Variants in EIF3F observed in about 807,000 individuals in gnomAD.
The protein encoded by EIF3F is eukaryotic translation initiation factor 3 subunit F.
A neutral mutation model predicts 36.0 loss-of-function variants in EIF3F; 8 were observed. That is an observed-to-expected ratio of 0.22 (90% CI 0.13 to 0.40). EIF3F has a LOEUF of 0.40. EIF3F is among the 10% of genes least tolerant of loss of function. EIF3F has a pLI of 1.00. For missense variants in EIF3F, 430 were observed against 467.6 expected, an observed-to-expected ratio of 0.92 and a Z score of 0.74; for synonymous variants, 184 against 188.5, an observed-to-expected ratio of 0.98 and a Z score of 0.19.
chr11:7,994,862 G>C, intron 5 of EIF3F, 120 bp from the exon 6 acceptor site: 1 of 1,423,090 alleles, frequency 7.0e-7, no homozygotes, highest in Non-Finnish European at 9.7e-7. Context: ...CTGAGTCTAA[G>C]GGGAGTTGGG....
At position 7,998,646 on chromosome 11, in the gene EIF3F, G is replaced by C. The variant is rs1331880922; in HGVS notation, c.*2624G>C. On this transcript the variant is annotated 3_prime_UTR_variant, in exon 8 of 8. Coordinates refer to ENST00000651655, the MANE Select transcript of EIF3F (RefSeq NM_003754.3). Reference sequence around the variant, plus strand: ...GAGTTAGAAATAAATTTTAGCAAGAGGTAAATTCACACATACGGAGTCTGC... The same window carrying C: ...GAGTTAGAAATAAATTTTAGCAAGACGTAAATTCACACATACGGAGTCTGC... The C allele has an allele frequency of 6.6e-6, 1 of 152,046 alleles. No individual in the cohort carries two copies. Among genetic ancestry groups the C allele is most frequent in the Non-Finnish European group, 1.5e-5 (1 of 68,008 alleles). The allele number at this position is 152,046 out of a possible 1,614,324, so 9.4% of individuals were successfully genotyped here.
In EIF3F at chr11:7,996,158, C is replaced by T; in HGVS notation, c.*136C>T. ...TGTGACTCTAATAAACGGAGCCTAC[C>T]TTTTGTAAATTAATTTCATCTTATG... On this transcript the variant is annotated 3_prime_UTR_variant, in exon 8 of 8. Transcript: ENST00000651655. The T allele has an allele frequency of 1.4e-6, 1 of 725,752 alleles. No individual in the cohort carries two copies. Among genetic ancestry groups the T allele is most frequent in the Non-Finnish European group, 2.3e-6 (1 of 432,728 alleles). 45.0% of individuals were successfully genotyped at this position (725,752 alleles called of 1,614,324 possible).
intron 1 of EIF3F, 125 bp downstream of exon 1, chr11:7,987,841 T>C (rs1942045564): frequency 7.5e-7 from 1 of 1,324,756 alleles, no homozygotes; most frequent in Non-Finnish European, 9.8e-7. Flanking sequence ...CCCAATGACC[T>C]CTTAATCTAT....
intron 1 of EIF3F, among the ~76,000 whole-genome samples, chr11:7,990,438 C>T (rs80083716): frequency 7.9e-5 from 12 of 152,046 alleles, no homozygotes; most frequent in Admixed American, 7.9e-4. Context: ...AAACTTTATT[C>T]ACAAAAAACA....
At chr11:7,994,232 G>C (rs1296308356) in intron 4 of EIF3F, among the ~76,000 whole-genome samples, 194 bp from the exon 5 acceptor site, 1 of 152,144 alleles carries the variant, frequency 6.6e-6, no homozygotes, top group Non-Finnish European at 1.5e-5. Flanking sequence ...ACAGATCAAG[G>C]GTTTGGTATG....
rs1942154563 is a variant in EIF3F, at chr11:7,995,875, T to C, written c.997-70T>C. The stretch of plus-strand genomic sequence containing the variant: ...TCATACCCAGTGTCTACCATAGAGC[T>C]GGCCAAAGCCAGCCTTTTTGCTCCC... On this transcript the variant is annotated intron_variant, in intron 7 of 7. Transcript: ENST00000651655. 4.6e-6 allele frequency: 6 copies of C among 1,299,758 alleles called. No individual in the cohort carries two copies. In the Admixed American group the frequency reaches 8.4e-5, roughly 18 times the overall value. 80.5% of individuals were successfully genotyped at this position (1,299,758 alleles called of 1,614,324 possible).
At chr11:7,990,152 T>C (rs1277780848) in intron 1 of EIF3F, among the ~76,000 whole-genome samples, 1 of 152,184 alleles carries the variant, frequency 6.6e-6, no homozygotes, top group East Asian at 1.9e-4. Flanking sequence ...TCTACATCTT[T>C]GGTTAAGTGT....
At position 7,999,872 on chromosome 11, in the gene EIF3F, C is replaced by T. The variant is rs1373052939; in HGVS notation, c.*3850C>T. On this transcript the variant is annotated 3_prime_UTR_variant, in exon 8 of 8. Transcript: ENST00000651655. ...CTTCCACGTTCACTGAAGCATTGTT[C>T]ACAATCGCCAAGACATCAACCTAAG... 1 of 152,228 alleles carries T rather than the reference C, an allele frequency of 6.6e-6. No individual in the cohort carries two copies. The highest frequency in any genetic ancestry group is 1.5e-5 in the Non-Finnish European group (1 of 68,054). 9.4% of individuals were successfully genotyped at this position (152,228 alleles called of 1,614,324 possible). A position where few individuals can be genotyped will look rare whatever the true frequency, so the allele number is the denominator to read the frequency against.
chr11:7,996,219 T>G lies in EIF3F; in HGVS notation c.*197T>G, dbSNP rs1942158066. 2 of 545,676 alleles carry G rather than the reference T, an allele frequency of 3.7e-6. No individual in the cohort carries two copies. The highest frequency in any genetic ancestry group is 6.5e-6 in the Non-Finnish European group (2 of 306,712). 33.8% of individuals were successfully genotyped at this position (545,676 alleles called of 1,614,324 possible). On this transcript the variant is annotated 3_prime_UTR_variant, in exon 8 of 8. Coordinates refer to ENST00000651655, the MANE Select transcript of EIF3F (RefSeq NM_003754.3). ...GCCGGGTGGAAGGGAGGAAAATGTTTTAGATCACACAGAAACTAGGAAGTG... is the reference window on the plus strand; with the variant it reads ...GCCGGGTGGAAGGGAGGAAAATGTTGTAGATCACACAGAAACTAGGAAGTG...
rs1942205782 is a variant in EIF3F at position 8,000,243 on chromosome 11, T to C, written c.*4221T>C. ...AAAGGTACATCTACACAATGGAATATTATTAACCTTAAAAGAAGGAAATAA... is the reference window on the plus strand; with the variant it reads ...AAAGGTACATCTACACAATGGAATACTATTAACCTTAAAAGAAGGAAATAA... On this transcript the variant is annotated 3_prime_UTR_variant, in exon 8 of 8. Coordinates refer to ENST00000651655, the MANE Select transcript of EIF3F (RefSeq NM_003754.3). 6.6e-6 allele frequency: 1 copy of C among 151,896 alleles called. No homozygotes were observed. 9.4% of individuals were successfully genotyped at this position (151,896 alleles called of 1,614,324 possible). A position where few individuals can be genotyped will look rare whatever the true frequency, so the allele number is the denominator to read the frequency against.
chr11:7,992,782 C>G, intron 3 of EIF3F, 105 bp from the exon 4 acceptor site: 1 of 1,455,924 alleles, frequency 6.9e-7, no homozygotes, highest in South Asian at 1.2e-5. Flanking sequence ...CACTAGGTGT[C>G]CTACCGTAGA....
intron 3 of EIF3F, 45 bp downstream of exon 3, chr11:7,992,208 G>C (rs759897844): frequency 2.0e-6 from 3 of 1,491,752 alleles, no homozygotes; most frequent in South Asian, 2.3e-5. Flanking sequence ...AGGTCTCTTC[G>C]TGATTGCCGG....
rs879702517 is a variant in EIF3F at position 8,000,608 on chromosome 11, A to G, written c.*4586A>G. ...GTAATCAATTTCGCAATGTGTACAT[A>G]TATCAAAACATCACATTGTACAAAA... On this transcript the variant is annotated 3_prime_UTR_variant, in exon 8 of 8. Coordinates refer to ENST00000651655, the MANE Select transcript of EIF3F (RefSeq NM_003754.3). 3 of 152,252 alleles carry G rather than the reference A, an allele frequency of 2.0e-5. No individual in the cohort carries two copies. The highest frequency in any genetic ancestry group is 2.9e-5 in the Non-Finnish European group (2 of 68,054). 9.4% of individuals were successfully genotyped at this position (152,252 alleles called of 1,614,324 possible).
At position 8,000,900 on chromosome 11, in the gene EIF3F, A is replaced by C. The variant is rs1203457394; in HGVS notation, c.*4878A>C. The C allele has an allele frequency of 3.9e-5, 6 of 152,252 alleles. No individual in the cohort carries two copies. Among genetic ancestry groups the C allele is most frequent in the Admixed American group, 3.3e-4 (5 of 15,288 alleles). 9.4% of individuals were successfully genotyped at this position (152,252 alleles called of 1,614,324 possible). A position where few individuals can be genotyped will look rare whatever the true frequency, so the allele number is the denominator to read the frequency against. On this transcript the variant is annotated 3_prime_UTR_variant, in exon 8 of 8. Transcript: ENST00000651655. ...AGGAAGAACTTTCTAAGAACTGAGA[A>C]TCCAGGAGTTATTTTAAAAGACTGA...
chr11:7,994,992 C>G lies in EIF3F; in HGVS notation c.756C>G (p.Ile252Met), dbSNP rs1396349058. The change falls in exon 6 of 8, where the codon ATC becomes ATG. Residue 252 changes from isoleucine to methionine, a missense_variant. Ile to Met is a conservative substitution (Grantham distance 10). Transcript: ENST00000651655. ...AACCAACTTCCATAGTTGACCTGAT[C>G]ATGAAGACCTGCTTTAGCCCCAACA... Reference protein sequence around the residue: ...YDTERIGVDLIMKTCFSPNRV... With the variant: ...YDTERIGVDLMMKTCFSPNRV... 1.9e-6 allele frequency: 3 copies of G among 1,613,140 alleles called. No homozygotes were observed. Among genetic ancestry groups the G allele is most frequent in the East Asian group, 2.2e-5 (1 of 44,870 alleles).
Position 7,994,935 on chromosome 11 carries a change from T to C in EIF3F, c.746-47T>C, listed in dbSNP as rs1244843720. ...TGGTGGGATGACTGAATTCTCTCTC[T>C]TACTGCCCACCACTGCCGCTGCCAC... On this transcript the variant is annotated intron_variant, in intron 5 of 7. Coordinates refer to ENST00000651655, the MANE Select transcript of EIF3F (RefSeq NM_003754.3). The C allele has an allele frequency of 7.5e-6, 12 of 1,604,552 alleles. No individual in the cohort carries two copies. The Admixed American group carries it at 2.0e-4, about 27-fold the overall frequency.
At position 7,990,047 on chromosome 11, in the gene EIF3F, A is replaced by G. The variant is rs114356225; in HGVS notation, c.365-1734A>G. 2.8e-3 allele frequency among the ~76,000 whole-genome samples: 425 copies of G among 152,322 alleles called. 4 individuals are homozygous for G. The highest frequency in any genetic ancestry group is 9.8e-3 in the African/African-American group (407 of 41,568). On this transcript the variant is annotated intron_variant, in intron 1 of 7. Coordinates refer to ENST00000651655, the MANE Select transcript of EIF3F (RefSeq NM_003754.3). Reference sequence around the variant, plus strand: ...TAACACTGAATAGGAATTAAAAATCACTCTGGAATGAGTGAGTTGAGAGAT... The same window carrying G: ...TAACACTGAATAGGAATTAAAAATCGCTCTGGAATGAGTGAGTTGAGAGAT...
In EIF3F at chr11:7,987,397, A is replaced by G. The variant is rs1942034518; in HGVS notation, c.45A>G (p.Pro15=). Residue 15 remains proline (P), a synonymous_variant, in exon 1 of 8, where the codon CCA becomes CCG. Transcript: ENST00000651655. ...AVPVSAPPAT[P]TPVPAAAPAS... ...CAGTAAGTGCTCCTCCGGCCACGCC[A>G]ACCCCAGTCCCGGCGGCGGCCCCAG... 6.2e-7 allele frequency: 1 copy of G among 1,600,150 alleles called. No individual in the cohort carries two copies. Among genetic ancestry groups the G allele is most frequent in the African/African-American group, 1.3e-5 (1 of 74,848 alleles).
rs1942209083 is a variant in EIF3F at position 8,000,515 on chromosome 11, T to A, written c.*4493T>A. ...TGACTAGTTAATGTATACTTGAAAATTGCTAGGAGTAGATCTCACCAGGAG... is the reference window on the plus strand; with the variant it reads ...TGACTAGTTAATGTATACTTGAAAAATGCTAGGAGTAGATCTCACCAGGAG... On this transcript the variant is annotated 3_prime_UTR_variant, in exon 8 of 8. Transcript: ENST00000651655. 1 of 152,072 alleles carries A rather than the reference T, an allele frequency of 6.6e-6. No homozygotes were observed. Among genetic ancestry groups the A allele is most frequent in the Non-Finnish European group, 1.5e-5 (1 of 68,028 alleles). 9.4% of individuals were successfully genotyped at this position (152,072 alleles called of 1,614,324 possible). A position where few individuals can be genotyped will look rare whatever the true frequency, so the allele number is the denominator to read the frequency against.
Sources: gnomAD v4.1 joint callset for allele counts (sites outside exome capture counted in the v4.1 genomes callset) on GRCh38, gnomAD v4.1.1 for gene constraint, MANE v1.5 for transcripts, NCBI Gene and HGNC (gene_info 2026-07-23, HGNC 2026-07-21) for gene names.